The following PCSK2 variants were observed in gnomAD, a reference collection of about 807,000 sequenced individuals.
PCSK2 encodes neuroendocrine convertase 2.
PCSK2 carries 14 observed loss-of-function variants against 69.7 expected under a neutral mutation model. That is an observed-to-expected ratio of 0.20 (90% CI 0.13 to 0.31). The LOEUF (loss-of-function observed/expected upper bound fraction) is 0.31. PCSK2 is among the 10% of genes least tolerant of loss of function. The pLI, the probability that PCSK2 is intolerant of heterozygous loss-of-function variation, is 1.00. For synonymous variants in PCSK2, 307 were observed against 320.7 expected (o/e 0.96, Z 0.46); for missense variants, 544 against 842.5 (o/e 0.65, Z 4.39).
intron 5 of PCSK2, among the ~76,000 whole-genome samples, chr20:17,407,064 C>A (rs1390443560): frequency 6.6e-6 from 1 of 152,148 alleles, no homozygotes; most frequent in African/African-American, 2.4e-5. Flanking sequence ...TAGTTCTCAG[C>A]GTCACATCCT....
chr20:17,304,191 AAGTG>A (rs1353752472), intron 2 of PCSK2, among the ~76,000 whole-genome samples: 4 of 152,136 alleles, frequency 2.6e-5, no homozygotes, highest in Non-Finnish European at 5.9e-5. Flanking sequence ...GCTTAGCACA[AAGTG>A]AGCACTAAAT....
At chr20:17,391,364 A>G (rs1017836439) in intron 5 of PCSK2, among the ~76,000 whole-genome samples, 1 of 152,180 alleles carries the variant, frequency 6.6e-6, no homozygotes, top group Non-Finnish European at 1.5e-5. Flanking sequence ...TGAAACTTCC[A>G]TAATGAGGAA....
chr20:17,361,582 C>A (rs181099878), intron 4 of PCSK2, among the ~76,000 whole-genome samples: 1 of 152,296 alleles, frequency 6.6e-6, no homozygotes, highest in Non-Finnish European at 1.5e-5. Context: ...AACAGTTGAG[C>A]CTTTCCCATC....
chr20:17,320,973 C>A (rs116564875), intron 2 of PCSK2, among the ~76,000 whole-genome samples: 1 of 152,128 alleles, frequency 6.6e-6, no homozygotes, highest in African/African-American at 2.4e-5. Flanking sequence ...ATTAGTAAAA[C>A]AAGCAAAATG....
At chr20:17,387,800 A>G (rs2031275576) in intron 5 of PCSK2, among the ~76,000 whole-genome samples, 1 of 152,238 alleles carries the variant, frequency 6.6e-6, no homozygotes, top group Non-Finnish European at 1.5e-5. Flanking sequence ...TAGAGCAGAC[A>G]TAGTTTCTAC....
At chr20:17,370,953 C>T (rs969892809) in intron 5 of PCSK2, among the ~76,000 whole-genome samples, 9 of 152,166 alleles carry the variant, frequency 5.9e-5, no homozygotes, top group South Asian at 2.1e-4. Flanking sequence ...GTCCTCCCTC[C>T]GAGGGCTGTC....
At chr20:17,297,805 C>T (rs1460579062) in intron 2 of PCSK2, among the ~76,000 whole-genome samples, 1 of 152,126 alleles carries the variant, frequency 6.6e-6, no homozygotes, top group Non-Finnish European at 1.5e-5. Context: ...GCCTGATACA[C>T]CTTTGCTCAT....
chr20:17,296,548 C>T (rs1383391896), intron 2 of PCSK2, among the ~76,000 whole-genome samples: 3 of 152,152 alleles, frequency 2.0e-5, no homozygotes, highest in Admixed American at 6.5e-5. Flanking sequence ...CAAACTCAGC[C>T]TTCTGGGTTT....
At chr20:17,303,324 A>G (rs1257303968) in intron 2 of PCSK2, among the ~76,000 whole-genome samples, 1 of 136,004 alleles carries the variant, frequency 7.4e-6, no homozygotes, top group East Asian at 2.0e-4. Flanking sequence ...AACCATATAT[A>G]TCTATTACAT....
chr20:17,234,224 A>G (rs1409083776), intron 1 of PCSK2, among the ~76,000 whole-genome samples: 1 of 152,198 alleles, frequency 6.6e-6, no homozygotes, highest in African/African-American at 2.4e-5. Flanking sequence ...TTTTCACAAT[A>G]TACTACCAAA....
intron 8 of PCSK2, among the ~76,000 whole-genome samples, chr20:17,447,946 A>T (rs2032733081): frequency 6.6e-6 from 1 of 152,208 alleles, no homozygotes; most frequent in Non-Finnish European, 1.5e-5. Context: ...ATTTATATGT[A>T]AAATTGGCAA....
intron 2 of PCSK2, among the ~76,000 whole-genome samples, chr20:17,321,571 T>C (rs1989869465): frequency 6.6e-6 from 1 of 152,204 alleles, no homozygotes; most frequent in Non-Finnish European, 1.5e-5. Context: ...TAATGATAAG[T>C]ACTTCTTTCA....
chr20:17,372,151 A>T (rs1214596967), intron 5 of PCSK2, among the ~76,000 whole-genome samples: 3 of 152,098 alleles, frequency 2.0e-5, no homozygotes. Context: ...AGGCCAAGGC[A>T]GGTGGATCAC....
chr20:17,239,562 T>A (rs1354904110), intron 1 of PCSK2, among the ~76,000 whole-genome samples: 4 of 152,012 alleles, frequency 2.6e-5, no homozygotes, highest in African/African-American at 9.7e-5. Context: ...ATTCTGGCCA[T>A]AAACTAGAAA....
chr20:17,421,391 T>C (rs1315535357), intron 6 of PCSK2, among the ~76,000 whole-genome samples: 1 of 152,164 alleles, frequency 6.6e-6, no homozygotes, highest in Non-Finnish European at 1.5e-5. Flanking sequence ...ATCTATTCTA[T>C]CAAGTAGGCT....
At chr20:17,446,715 A>G (rs1334768976) in intron 8 of PCSK2, among the ~76,000 whole-genome samples, 2 of 152,226 alleles carry the variant, frequency 1.3e-5, no homozygotes, top group Non-Finnish European at 2.9e-5. Context: ...ATTTTTCATG[A>G]ACTACGAGTG....
chr20:17,310,916 G>C (rs1293892478), intron 2 of PCSK2, among the ~76,000 whole-genome samples: 1 of 149,480 alleles, frequency 6.7e-6, no homozygotes, highest in Non-Finnish European at 1.5e-5. Context: ...GCAGAGAATT[G>C]CTTAAACCTG....
At chr20:17,307,075 T>TTATTC (rs1989349479) in intron 2 of PCSK2, among the ~76,000 whole-genome samples, 1 of 152,184 alleles carries the variant, frequency 6.6e-6, no homozygotes, top group Non-Finnish European at 1.5e-5. Context: ...AATTGTAAGA[T>TTATTC]TATTCAATCT....
intron 2 of PCSK2, among the ~76,000 whole-genome samples, chr20:17,341,631 G>A (rs1265363501): frequency 1.1e-4 from 17 of 152,200 alleles, no homozygotes. Context: ...TTGAATTCTA[G>A]CAGCAGATGG....
Sources: allele counts gnomAD v4.1 joint callset (sites outside exome capture counted in the v4.1 genomes callset), GRCh38; gene constraint gnomAD v4.1.1; transcripts MANE v1.5; gene names NCBI Gene and HGNC (gene_info 2026-07-23, HGNC 2026-07-21).